The following TMEM245 variants were observed in gnomAD, a reference collection of about 807,000 sequenced individuals.
TMEM245 encodes the protein protein CG-2.
Under a neutral mutation model 101.2 loss-of-function variants are expected in TMEM245, and 69 were observed. The observed-to-expected ratio is 0.68, with a 90% CI of 0.56 to 0.83. The LOEUF (loss-of-function observed/expected upper bound fraction) is 0.83, where lower values mean the gene tolerates loss of function less well. Ranked by LOEUF, TMEM245 falls within the 40% of genes least tolerant of loss-of-function variation. The pLI is 0.00. For synonymous variants in TMEM245, 537 were observed against 449.8 expected, an observed-to-expected ratio of 1.19 and a Z score of -2.45; for missense variants, 1,075 against 1,092.8, an observed-to-expected ratio of 0.98 and a Z score of 0.23.
At chr9:109,053,783 C>T (rs1319268453) in intron 12 of TMEM245, among the ~76,000 whole-genome samples, 1 of 152,160 alleles carries the variant, frequency 6.6e-6, no homozygotes, top group Non-Finnish European at 1.5e-5. Context: ...GATTCAAACG[C>T]AACAGTTTAG....
At position 109,119,923 on chromosome 9, in the gene TMEM245, G is replaced by T. The variant is rs750359547; in HGVS notation, c.-10C>A. The T allele has an allele frequency of 7.8e-7, 1 of 1,286,398 alleles. No individual in the cohort carries two copies. Among genetic ancestry groups the T allele is most frequent in the East Asian group, 3.0e-5 (1 of 33,870 alleles). The allele number at this position is 1,286,398 out of a possible 1,614,324, so 79.7% of individuals were successfully genotyped here. A position where few individuals can be genotyped will look rare whatever the true frequency, so the allele number is the denominator to read the frequency against. On this transcript the variant is annotated 5_prime_UTR_variant, in exon 1 of 18. Coordinates refer to ENST00000374586, the MANE Select transcript of TMEM245 (RefSeq NM_032012.4). ...CGCCGCCGTCGGCCATCGTTCCTCC[G>T]CCACAGCCGCCCCCGAGGGGCGGTA...
intron 17 of TMEM245, among the ~76,000 whole-genome samples, chr9:109,023,563 G>A (rs879743901): frequency 5.3e-5 from 8 of 152,158 alleles, no homozygotes; most frequent in Non-Finnish European, 1.0e-4. Context: ...GGCCAGGCGC[G>A]GTGGCTCATG....
At chr9:109,038,827 AGGTGCTCT>A (rs1329001094) in intron 14 of TMEM245, 1 of 152,284 alleles carries the variant, frequency 6.6e-6, no homozygotes, top group African/African-American at 2.4e-5. Context: ...CTGCAATGTC[AGGTGCTCT>A]GTGTTTTTCA....
rs976077283 is a variant in TMEM245, at chr9:109,017,081, C to A, written c.*3379G>T. 2 of 152,110 alleles carry A rather than the reference C, an allele frequency of 1.3e-5. No homozygotes were observed. Among genetic ancestry groups the A allele is most frequent in the East Asian group, 3.9e-4 (2 of 5,194 alleles). The allele number at this position is 152,110 out of a possible 1,614,324, so 9.4% of individuals were successfully genotyped here. A position where few individuals can be genotyped will look rare whatever the true frequency, so the allele number is the denominator to read the frequency against. On this transcript the variant is annotated 3_prime_UTR_variant, in exon 18 of 18. Coordinates refer to ENST00000374586, the MANE Select transcript of TMEM245 (RefSeq NM_032012.4). ...CACATTCCTGAGGCACTAATATAAC[C>A]CAAATGGAAACTACAGGTCCTAGGA...
At chr9:109,037,272 T>C (rs2132328237) in intron 15 of TMEM245, among the ~76,000 whole-genome samples, 1 of 152,308 alleles carries the variant, frequency 6.6e-6, no homozygotes, top group East Asian at 1.9e-4. Flanking sequence ...GACAAAGCTA[T>C]TTTGACAACA....
At chr9:109,033,925 A>T (rs558819686) in intron 16 of TMEM245, among the ~76,000 whole-genome samples, 1 of 152,372 alleles carries the variant, frequency 6.6e-6, no homozygotes, top group East Asian at 1.9e-4. Context: ...TGACGACAGC[A>T]ACAATGAGAG....
chr9:109,091,208 G>A, intron 4 of TMEM245, 53 bp from the exon 5 acceptor site: 1 of 1,483,550 alleles, frequency 6.7e-7, no homozygotes, highest in Non-Finnish European at 9.3e-7. Context: ...ATGAGGAAAT[G>A]GGAATACAGA....
chr9:109,065,291 C>T (rs1829133536), intron 9 of TMEM245, among the ~76,000 whole-genome samples: 1 of 152,128 alleles, frequency 6.6e-6, no homozygotes, highest in African/African-American at 2.4e-5. Context: ...TTTTTGGAAA[C>T]CTGTTAGAAA....
At chr9:109,070,124 C>G (rs1829286093) in intron 9 of TMEM245, among the ~76,000 whole-genome samples, 1 of 152,204 alleles carries the variant, frequency 6.6e-6, no homozygotes, top group African/African-American at 2.4e-5. Context: ...CAGACATCCT[C>G]TCTGTACCTT....
chr9:109,075,080 AG>A (rs1829458084), intron 8 of TMEM245, among the ~76,000 whole-genome samples: 3 of 152,206 alleles, frequency 2.0e-5, no homozygotes, highest in South Asian at 4.1e-4. Flanking sequence ...AGACTAAATG[AG>A]GCTAAGGAAC....
intron 14 of TMEM245, chr9:109,046,157 C>A (rs7041716): frequency 0.12 from 58,946 of 511,074 alleles, 4,150 homozygotes; most frequent in South Asian, 0.23. Flanking sequence ...TTCATCAGGA[C>A]ACCCACCCAC....
At chr9:109,108,165 C>A (rs1372832375) in intron 2 of TMEM245, among the ~76,000 whole-genome samples, 1 of 152,028 alleles carries the variant, frequency 6.6e-6, no homozygotes. Flanking sequence ...TATATCTTCC[C>A]CTAAGTATGA....
chr9:109,049,202 C>T (rs1828596369), intron 14 of TMEM245, among the ~76,000 whole-genome samples: 1 of 152,150 alleles, frequency 6.6e-6, no homozygotes, highest in East Asian at 1.9e-4. Flanking sequence ...ATCAAAACTG[C>T]TTTGAATTGT....
intron 14 of TMEM245, among the ~76,000 whole-genome samples, chr9:109,043,491 A>T (rs1444413306): frequency 6.6e-6 from 1 of 152,216 alleles, no homozygotes; most frequent in Non-Finnish European, 1.5e-5. Flanking sequence ...GTCTCAAAAA[A>T]TATCTGCCTT....
chr9:109,055,583 G>A (rs1292917832), intron 12 of TMEM245, among the ~76,000 whole-genome samples: 1 of 151,834 alleles, frequency 6.6e-6, no homozygotes, highest in Non-Finnish European at 1.5e-5. Flanking sequence ...AGAGCTATTG[G>A]ATATTGCAAG....
At chr9:109,077,062 A>G (rs1829530391) in intron 8 of TMEM245, among the ~76,000 whole-genome samples, 1 of 151,464 alleles carries the variant, frequency 6.6e-6, no homozygotes, top group African/African-American at 2.4e-5. Context: ...TGAAAAGAAT[A>G]TAATTTTTGT....
chr9:109,064,667 G>A (rs1829111475), intron 9 of TMEM245, 100 bp from the exon 10 acceptor site: 3 of 943,344 alleles, frequency 3.2e-6, no homozygotes, highest in African/African-American at 3.3e-5. Flanking sequence ...CAGACAGACT[G>A]TTGATCATTC....
At chr9:109,037,080 T>C (rs1256705589) in intron 15 of TMEM245, among the ~76,000 whole-genome samples, 1 of 151,216 alleles carries the variant, frequency 6.6e-6, no homozygotes, top group Non-Finnish European at 1.5e-5. Context: ...CACAGACAAA[T>C]AGGGAAAGGG....
chr9:109,091,192 G>A, intron 4 of TMEM245, 37 bp from the exon 5 acceptor site: 1 of 1,556,288 alleles, frequency 6.4e-7, no homozygotes, highest in Non-Finnish European at 8.8e-7. Context: ...CACCGCATTA[G>A]TCCACATGAG....
Sources: allele counts gnomAD v4.1 joint callset (sites outside exome capture counted in the v4.1 genomes callset), GRCh38; gene constraint gnomAD v4.1.1; transcripts MANE v1.5; gene names NCBI Gene and HGNC (gene_info 2026-07-23, HGNC 2026-07-21).